Variants in SLC6A6 observed in about 807,000 individuals in gnomAD.
SLC6A6 encodes solute carrier family 6 member 6.
Under a neutral mutation model 68.8 loss-of-function variants are expected in SLC6A6, and 16 were observed. That is an observed-to-expected ratio of 0.23 (90% CI 0.16 to 0.35). The LOEUF (loss-of-function observed/expected upper bound fraction) is 0.35, where lower values mean the gene tolerates loss of function less well. Among genes scored for constraint, SLC6A6 ranks in the 10% least tolerant of loss-of-function variants. SLC6A6 has a pLI of 1.00. For missense variants in SLC6A6, 474 were observed against 802.8 expected (o/e 0.59, Z 4.95); for synonymous variants, 312 against 315.4 (o/e 0.99, Z 0.12).
At chr3:14,433,141 G>A (rs1017287991) in intron 2 of SLC6A6, among the ~76,000 whole-genome samples, 1 of 152,276 alleles carries the variant, frequency 6.6e-6, no homozygotes, top group East Asian at 1.9e-4. Flanking sequence ...CAGTACCCCT[G>A]TGATGGCCCT....
At chr3:14,461,491 T>C (rs1700493454) in intron 6 of SLC6A6, among the ~76,000 whole-genome samples, 1 of 152,146 alleles carries the variant, frequency 6.6e-6, no homozygotes, top group Non-Finnish European at 1.5e-5. Context: ...GAGTGGGGTC[T>C]GGGAAGGGGG....
rs1424383474 is a variant in SLC6A6 at position 14,468,146 on chromosome 3, A to G, written c.1030A>G (p.Ile344Val). ...TACCAGTTTTGTGTCTGGCTTCGCA[A>G]TTTTTTCCATCCTGGGCTTCATGGC... ...SGTSFVSGFA[I>V]FSILGFMAQE... The change falls in exon 9 of 15, where the codon ATT becomes GTT. Residue 344 changes from isoleucine (I) to valine (V), a missense_variant. Coordinates refer to ENST00000622186, the MANE Select transcript of SLC6A6 (RefSeq NM_003043.6). The surrounding 1 kb of genome is among the most constrained non-coding windows in gnomAD (Gnocchi z 4.5). 3 of 1,613,854 alleles carry G rather than the reference A, an allele frequency of 1.9e-6. No individual in the cohort carries two copies. Among genetic ancestry groups the G allele is most frequent in the South Asian group, 1.1e-5 (1 of 91,072 alleles).
intron 2 of SLC6A6, among the ~76,000 whole-genome samples, chr3:14,436,975 A>G (rs1699871157): frequency 6.6e-6 from 1 of 152,150 alleles, no homozygotes; most frequent in Non-Finnish European, 1.5e-5. Flanking sequence ...CATTTGATCC[A>G]TAGCAGCTAC....
chr3:14,460,708 C>T (rs1700475331), intron 6 of SLC6A6, among the ~76,000 whole-genome samples: 1 of 152,266 alleles, frequency 6.6e-6, no homozygotes, highest in Middle Eastern at 3.2e-3. Flanking sequence ...CACGGGTCCT[C>T]CCTTCTCACC....
Position 14,445,725 on chromosome 3 carries a change from C to T in SLC6A6, c.238C>T (p.Leu80Phe). 4 of 1,614,230 alleles carry T rather than the reference C, an allele frequency of 2.5e-6. No homozygotes were observed. The highest frequency in any genetic ancestry group is 3.4e-6 in the Non-Finnish European group (4 of 1,180,036). Residue 80 changes from leucine (L) to phenylalanine (F), a missense_variant, in exon 4 of 15, where the codon CTC becomes TTC. This residue lies in a region of SLC6A6 where 280 missense variants were observed against 533.1 expected (regional missense o/e 0.53). Transcript: ENST00000622186. ...CATTCTGCTCTCTGCAGGTGCGTTT[C>T]TCATACCGTATTTTATTTTCCTGTT... ...LCYKNGGGAF[L>F]IPYFIFLFGS...
chr3:14,467,200 G>A (rs950356526), intron 7 of SLC6A6, among the ~76,000 whole-genome samples: 1 of 152,148 alleles, frequency 6.6e-6, no homozygotes, highest in African/African-American at 2.4e-5. Flanking sequence ...GAATCCCCAG[G>A]GCCTTCCGGT....
Position 14,477,154 on chromosome 3 carries a change from G to A in SLC6A6, c.1210-51G>A. On this transcript the variant is annotated intron_variant, in intron 10 of 14. Coordinates refer to ENST00000622186, the MANE Select transcript of SLC6A6 (RefSeq NM_003043.6). This position sits in a 1 kb window ranked among gnomAD's most constrained non-coding sequence, Gnocchi z 4.2. ...GCCCTTCCCTCCGAGCAGCAGGCAAGGGTGGCCTGAGCGTCAGCCGCTCAC... is the reference window on the plus strand; with the variant it reads ...GCCCTTCCCTCCGAGCAGCAGGCAAAGGTGGCCTGAGCGTCAGCCGCTCAC... 6.3e-7 allele frequency: 1 copy of A among 1,581,480 alleles called. No individual in the cohort carries two copies. Among genetic ancestry groups the A allele is most frequent in the Middle Eastern group, 2.2e-4 (1 of 4,506 alleles).
chr3:14,442,778 G>A (rs148174740), intron 2 of SLC6A6, among the ~76,000 whole-genome samples: 293 of 152,286 alleles, frequency 1.9e-3, no homozygotes, highest in Non-Finnish European at 1.7e-3. Flanking sequence ...GGGGCCTCCC[G>A]TTGGCCAAAC....
At chr3:14,445,671 G>C in intron 3 of SLC6A6, 46 bp from the exon 4 acceptor site, 1 of 1,612,048 alleles carries the variant, frequency 6.2e-7, no homozygotes, top group Non-Finnish European at 8.5e-7. Flanking sequence ...CTGCGTCGGC[G>C]CTGCCATGGC....
chr3:14,430,498 T>C (rs879921967), intron 2 of SLC6A6, among the ~76,000 whole-genome samples: 19 of 152,292 alleles, frequency 1.2e-4, no homozygotes, highest in Non-Finnish European at 2.4e-4. Context: ...AGATGGCCCC[T>C]GCACGTAGGA....
intron 2 of SLC6A6, among the ~76,000 whole-genome samples, chr3:14,441,995 G>T (rs1381146585): frequency 6.6e-6 from 1 of 152,228 alleles, no homozygotes; most frequent in African/African-American, 2.4e-5. Context: ...AATTGAACAA[G>T]ATACTTTCAG....
At chr3:14,466,880 C>T (rs1020126010) in intron 7 of SLC6A6, among the ~76,000 whole-genome samples, 15 of 152,136 alleles carry the variant, frequency 9.9e-5, no homozygotes, top group Admixed American at 1.3e-4. Context: ...ATGTCAAGGA[C>T]GTCTGAGGGT....
rs116441753 is a variant in SLC6A6 at position 14,444,692 on chromosome 3, T to G, written c.229+829T>G. On this transcript the variant is annotated intron_variant, in intron 3 of 14. Transcript: ENST00000622186. ...TGCTGCCCACATTAGTAGAACCACC[T>G]TTTGGGGAATTTTCCCTTAGAGCCT... 2,521 of 456,186 alleles carry G rather than the reference T, an allele frequency of 5.5e-3. 39 individuals are homozygous for G. The highest frequency in any genetic ancestry group is 0.041 in the African/African-American group (2,073 of 50,116). The allele number at this position is 456,186 out of a possible 1,614,324, so 28.3% of individuals were successfully genotyped here. A position where few individuals can be genotyped will look rare whatever the true frequency, so the allele number is the denominator to read the frequency against.
At chr3:14,457,903 C>G in intron 5 of SLC6A6, 47 bp from the exon 6 acceptor site, 1 of 1,606,370 alleles carries the variant, frequency 6.2e-7, no homozygotes, top group East Asian at 2.2e-5. Flanking sequence ...TCTCTCTACT[C>G]CAGGGCCAGG....
chr3:14,420,066 C>T (rs935152287), intron 2 of SLC6A6, among the ~76,000 whole-genome samples: 1 of 152,198 alleles, frequency 6.6e-6, no homozygotes. Context: ...GAAGTGCCAA[C>T]CTCAACATTC....
chr3:14,488,049 G>A lies in SLC6A6; in HGVS notation c.*3042G>A, dbSNP rs190375178. 318 of 152,858 alleles carry A rather than the reference G, an allele frequency of 2.1e-3. No individual in the cohort carries two copies. Among genetic ancestry groups the A allele is most frequent in the South Asian group, 6.4e-3 (31 of 4,818 alleles). 9.5% of individuals were successfully genotyped at this position (152,858 alleles called of 1,614,324 possible). ...TCACCTGCACACCCCAGCCCTGCAC[G>A]GGGCCCTCCTTCCTCCCAGCAGCCC... On this transcript the variant is annotated 3_prime_UTR_variant, in exon 15 of 15. Coordinates refer to ENST00000622186, the MANE Select transcript of SLC6A6 (RefSeq NM_003043.6).
chr3:14,442,605 T>A (rs7628386), intron 2 of SLC6A6, among the ~76,000 whole-genome samples: 2 of 151,946 alleles, frequency 1.3e-5, no homozygotes, highest in Admixed American at 6.5e-5. Flanking sequence ...GCCCTCAGGG[T>A]CGAGCTGACA....
At chr3:14,466,255 G>A (rs527616690) in intron 6 of SLC6A6, among the ~76,000 whole-genome samples, 5 of 135,530 alleles carry the variant, frequency 3.7e-5, no homozygotes, top group Admixed American at 7.9e-5. Context: ...GCGAGGCTCC[G>A]TCTCAAATTT....
chr3:14,477,366 T>G lies in SLC6A6; in HGVS notation c.1347+24T>G. Reference sequence around the variant, plus strand: ...AGGTAGGTGGCTCTCTCAGCTGTGTTTCAGGCTTGGTGCTCCAGTGCCCTC... The same window carrying G: ...AGGTAGGTGGCTCTCTCAGCTGTGTGTCAGGCTTGGTGCTCCAGTGCCCTC... On this transcript the variant is annotated intron_variant, in intron 11 of 14. Transcript: ENST00000622186. The surrounding 1 kb of genome is among the most constrained non-coding windows in gnomAD (Gnocchi z 4.2). 1 of 1,612,410 alleles carries G rather than the reference T, an allele frequency of 6.2e-7. No individual in the cohort carries two copies. Among genetic ancestry groups the G allele is most frequent in the Non-Finnish European group, 8.5e-7 (1 of 1,178,902 alleles).
Sources: allele counts gnomAD v4.1 joint callset (sites outside exome capture counted in the v4.1 genomes callset), GRCh38; gene constraint gnomAD v4.1.1; regional missense constraint gnomAD v4.1.1; non-coding constraint Gnocchi (gnomAD v3.1); transcripts MANE v1.5; gene names NCBI Gene and HGNC (gene_info 2026-07-23, HGNC 2026-07-21).